The following EPB42 variants were observed in gnomAD, a reference collection of about 807,000 sequenced individuals.
EPB42 encodes the protein protein 4.2.
In EPB42, 49 loss-of-function variants were observed where a neutral mutation model predicts 76.9. That is an observed-to-expected ratio of 0.64 (90% confidence interval 0.51 to 0.81). The LOEUF (loss-of-function observed/expected upper bound fraction) is 0.81. EPB42 is among the 30% of genes least tolerant of loss of function. The pLI is 0.00. For synonymous variants in EPB42, 310 were observed against 338.4 expected (o/e 0.92, Z 0.92); for missense variants, 731 against 867.6 (o/e 0.84, Z 1.98).
chr15:43,203,725 T>C (rs1273947966), intron 10 of EPB42, among the ~76,000 whole-genome samples: 4 of 152,126 alleles, frequency 2.6e-5, no homozygotes, highest in Non-Finnish European at 5.9e-5. Flanking sequence ...TCCTCTGCTT[T>C]CTAAATCTGT....
rs778290257 is a variant in EPB42 at position 43,201,884 on chromosome 15, T to C, written c.1873A>G (p.Ile625Val). Reference protein sequence around the residue: ...DAPMEDCVISILGRGLIHRER... With the variant: ...DAPMEDCVISVLGRGLIHRER... ...CTGTGAATGAGCCCCCTTCCCAGGA[T>C]GGAGATCACACAGTCCTCCATGGGG... Residue 625 changes from isoleucine to valine, a missense_variant, in exon 12 of 13, where the codon ATC (isoleucine) becomes GTC (valine). Transcript: ENST00000441366. The C allele has an allele frequency of 1.2e-6, 2 of 1,614,144 alleles. No individual in the cohort carries two copies. Among genetic ancestry groups the C allele is most frequent in the Non-Finnish European group, 1.7e-6 (2 of 1,179,996 alleles).
intron 8 of EPB42, 37 bp from the exon 9 acceptor site, chr15:43,207,478 G>T: frequency 1.2e-6 from 2 of 1,609,760 alleles, no homozygotes; most frequent in African/African-American, 2.7e-5. Context: ...TGGGAGCTGC[G>T]CCTAGACCTC....
intron 12 of EPB42, 114 bp from the exon 13 acceptor site, chr15:43,197,578 C>T (rs1289950569): frequency 1.4e-5 from 17 of 1,193,108 alleles, no homozygotes; most frequent in Non-Finnish European, 2.1e-5. Context: ...AAATAAACAT[C>T]TAAGTACCTT....
rs535618549 is a variant in EPB42, at chr15:43,219,196, G to A, written c.10+1620C>T. On this transcript the variant is annotated intron_variant, in intron 1 of 12. Coordinates refer to ENST00000441366, the MANE Select transcript of EPB42 (RefSeq NM_001114134.2). ...AGCAAGCGCAGAGCTGTGAAGAGGC[G>A]CGGACTGGCACATCATCATGTGGTT... 3.3e-5 allele frequency among the ~76,000 whole-genome samples: 5 copies of A among 152,288 alleles called. 1 individual carries two copies. Among genetic ancestry groups the A allele is most frequent in the African/African-American group, 1.2e-4 (5 of 41,558 alleles).
At chr15:43,221,821 TAAAAAA>T (rs56939497), upstream of EPB42, among the ~76,000 whole-genome samples, 3 of 107,454 alleles carry the variant, frequency 2.8e-5, no homozygotes, top group East Asian at 2.6e-4. Flanking sequence ...TCTTATTATG[TAAAAAA>T]AAAAAAAAAA....
intron 12 of EPB42, among the ~76,000 whole-genome samples, chr15:43,197,728 C>A (rs1345524970): frequency 6.6e-6 from 1 of 152,196 alleles, no homozygotes; most frequent in Non-Finnish European, 1.5e-5. Context: ...TGACTTCCTT[C>A]TGGTTCAATT....
rs752234063 is a variant in EPB42, at chr15:43,206,541, G to A, written c.1407C>T (p.Leu469=). 5.0e-6 allele frequency: 8 copies of A among 1,614,164 alleles called. No individual in the cohort carries two copies. The Admixed American group carries it at 5.0e-5, about 10-fold the overall frequency. Residue 469 remains leucine (L), a synonymous_variant, in exon 10 of 13, where the codon CTC becomes CTT. Transcript: ENST00000441366. This position sits in a 1 kb window ranked among gnomAD's most constrained non-coding sequence, Gnocchi z 4.7. ...EKDNGIRPPS[L]ETASPLYLLL... ...GCAGGTACAGAGGACTGGCAGTCTC[G>A]AGACTGGGAGGACGGATGCCGTTGT...
At position 43,201,391 on chromosome 15, in the gene EPB42, G is replaced by A. The variant is rs904623456; in HGVS notation, c.1913+453C>T. On this transcript the variant is annotated intron_variant, in intron 12 of 12. Coordinates refer to ENST00000441366, the MANE Select transcript of EPB42 (RefSeq NM_001114134.2). The stretch of plus-strand genomic sequence containing the variant: ...GAAAGCAACAGTACACATTTTATAC[G>A]TACGAATAAAAGGATATGAAGGATG... Among the ~76,000 whole-genome samples, 8 of 152,290 alleles carry A rather than the reference G, an allele frequency of 5.3e-5. No individual in the cohort carries two copies. The East Asian group carries it at 5.8e-4, about 11-fold the overall frequency.
intron 6 of EPB42, 99 bp downstream of exon 6, chr15:43,209,175 C>T: frequency 7.2e-7 from 1 of 1,390,886 alleles, no homozygotes; most frequent in East Asian, 2.3e-5. Flanking sequence ...AATGCGGCCG[C>T]AGGGAGGCAG....
intron 10 of EPB42, among the ~76,000 whole-genome samples, chr15:43,204,967 C>CT (rs1043582800): frequency 2.1e-5 from 3 of 140,360 alleles, no homozygotes; most frequent in African/African-American, 5.5e-5. Context: ...CCCCTCCGCC[C>CT]CCCCCCCAAA....
intron 6 of EPB42, among the ~76,000 whole-genome samples, 165 bp from the exon 7 acceptor site, chr15:43,208,940 T>C (rs939668228): frequency 2.6e-5 from 4 of 152,028 alleles, no homozygotes; most frequent in African/African-American, 9.7e-5. Context: ...TGAAGGCTGA[T>C]CAATAAGGCA....
chr15:43,209,197 G>A, intron 6 of EPB42, 77 bp downstream of exon 6: 1 of 1,546,592 alleles, frequency 6.5e-7, no homozygotes, highest in Non-Finnish European at 8.9e-7. Context: ...ACCTGCTTTT[G>A]GAGATGTCCT....
chr15:43,204,969 C>CCG (rs1555471889), intron 10 of EPB42, among the ~76,000 whole-genome samples: 2 of 142,760 alleles, frequency 1.4e-5, no homozygotes, highest in South Asian at 4.8e-4. Context: ...CCTCCGCCCC[C>CCG]CCCCCAAAAA....
Position 43,220,914 on chromosome 15 carries a change from T to G in EPB42, c.-89A>C. 8.0e-7 allele frequency: 1 copy of G among 1,250,036 alleles called. No individual in the cohort carries two copies. The highest frequency in any genetic ancestry group is 1.2e-6 in the Non-Finnish European group (1 of 861,768). 77.4% of individuals were successfully genotyped at this position (1,250,036 alleles called of 1,614,324 possible). A position where few individuals can be genotyped will look rare whatever the true frequency, so the allele number is the denominator to read the frequency against. ...TGGGCTCCTTCTGGGCTTTCTGTCT[T>G]CCAGACAGAAAATATGAAGGCACTT... On this transcript the variant is annotated 5_prime_UTR_variant, in exon 1 of 13. Transcript: ENST00000441366.
chr15:43,217,925 C>G (rs1249813768), intron 1 of EPB42, among the ~76,000 whole-genome samples: 4 of 152,156 alleles, frequency 2.6e-5, no homozygotes, highest in African/African-American at 9.7e-5. Flanking sequence ...CCAATGATGT[C>G]TATTTAGGGC....
At chr15:43,203,349 A>T (rs2142268676) in intron 10 of EPB42, 74 bp from the exon 11 acceptor site, 2 of 1,586,820 alleles carry the variant, frequency 1.3e-6, no homozygotes, top group East Asian at 4.5e-5. Flanking sequence ...TACACACACA[A>T]TACAAAGGAC....
intron 12 of EPB42, among the ~76,000 whole-genome samples, chr15:43,198,588 C>T (rs2042081040): frequency 6.6e-6 from 1 of 152,142 alleles, no homozygotes; most frequent in Admixed American, 6.5e-5. Flanking sequence ...AATTTGCAGC[C>T]TGACTATGCA....
At chr15:43,212,223 G>A (rs2042309229) in intron 3 of EPB42, among the ~76,000 whole-genome samples, 1 of 152,038 alleles carries the variant, frequency 6.6e-6, no homozygotes, top group African/African-American at 2.4e-5. Flanking sequence ...CAAAAAATTA[G>A]GTGGGTGTGG....
intron 1 of EPB42, among the ~76,000 whole-genome samples, chr15:43,218,366 C>G (rs2042409503): frequency 6.6e-6 from 1 of 152,108 alleles, no homozygotes; most frequent in Non-Finnish European, 1.5e-5. Flanking sequence ...TAGAAGGCTC[C>G]CACCATCTCT....
Sources: allele counts gnomAD v4.1 joint callset (sites outside exome capture counted in the v4.1 genomes callset), GRCh38; gene constraint gnomAD v4.1.1; non-coding constraint Gnocchi (gnomAD v3.1); transcripts MANE v1.5; gene names NCBI Gene and HGNC (gene_info 2026-07-23, HGNC 2026-07-21).